The following EARS2 variants were observed in gnomAD, a reference collection of about 807,000 sequenced individuals.
EARS2 encodes the protein glutamyl-tRNA synthetase 2, mitochondrial, also known as nondiscriminating glutamyl-tRNA synthetase EARS2, mitochondrial.
EARS2 carries 50 observed loss-of-function variants against 54.1 expected under a neutral mutation model. The observed-to-expected ratio is 0.92, with a 90% CI of 0.74 to 1.17. The LOEUF is 1.17. EARS2 is among the 50% of genes most tolerant of loss of function. The probability of loss-of-function intolerance (pLI) is 0.00; values close to 1 mark genes in which losing one functional copy is unlikely to be tolerated. For synonymous variants in EARS2, 298 were observed against 281.0 expected, an observed-to-expected ratio of 1.06 and a Z score of -0.61; for missense variants, 673 against 675.0, an observed-to-expected ratio of 1.00 and a Z score of 0.03.
rs765695779 is a variant in EARS2 at position 23,544,615 on chromosome 16, T to C, written c.384A>G (p.Thr128=). The part of the protein sequence containing the change: ...SQRLELYAQA[T]EALLKTGAAY... ...CAGCTCCGGTCTTCAGCAGCGCTTC[T>C]GTGGCCTGGGCATACAGCTCCAACC... The change falls in exon 3 of 9, where the codon ACA becomes ACG. Residue 128 remains threonine (T), a synonymous_variant. Coordinates refer to ENST00000449606, the MANE Select transcript of EARS2 (RefSeq NM_001083614.2). The C allele has an allele frequency of 4.3e-6, 7 of 1,613,406 alleles. No homozygotes were observed. In the Admixed American group the frequency reaches 6.7e-5, roughly 15 times the overall value.
Position 23,534,027 on chromosome 16 carries a change from G to C in EARS2, c.958+861C>G, listed in dbSNP as rs189694145. On this transcript the variant is annotated intron_variant, in intron 4 of 8. Transcript: ENST00000449606. ...GCCGAGATCGCGCCATTGCACTCCA[G>C]AATGGGGGACAAGAAGTTCTGTCTC... Among the ~76,000 whole-genome samples the C allele has an allele frequency of 7.7e-4, 114 of 148,300 alleles. 1 individual carries two copies. Among genetic ancestry groups the C allele is most frequent in the Non-Finnish European group, 8.1e-4 (55 of 67,530 alleles).
intron 3 of EARS2, among the ~76,000 whole-genome samples, chr16:23,542,839 G>A (rs551163952): frequency 6.6e-6 from 1 of 151,868 alleles, no homozygotes; most frequent in Non-Finnish European, 1.5e-5. Context: ...AATGGTCCAG[G>A]TGCAGTGGTT....
chr16:23,524,646 CTTTT>C lies in EARS2; in HGVS notation c.1489-196_1489-193del, dbSNP rs1172358291. On this transcript the variant is annotated intron_variant, in intron 8 of 8. Transcript: ENST00000449606. ...GCCTGTTTCTCCTCCAACCACCGCC[CTTTT>C]TTTTTTTTTTTTTTGAGATAGAGTC... Among the ~76,000 whole-genome samples, 8 of 132,680 alleles carry C rather than the reference CTTTT, an allele frequency of 6.0e-5. No individual in the cohort carries two copies. In the East Asian group the frequency reaches 8.4e-4, roughly 14 times the overall value. 87.0% of individuals were successfully genotyped at this position (132,680 alleles called of 152,430 possible).
chr16:23,534,263 T>C (rs753521665), intron 4 of EARS2, among the ~76,000 whole-genome samples: 31 of 152,168 alleles, frequency 2.0e-4, no homozygotes, highest in Non-Finnish European at 4.1e-4. Context: ...TACCCCTTAA[T>C]AGTATGTTGT....
At chr16:23,557,159 C>G (rs1965809675) in intron 1 of EARS2, 46 bp downstream of exon 1, 3 of 1,500,668 alleles carry the variant, frequency 2.0e-6, no homozygotes, top group Admixed American at 2.3e-5. Flanking sequence ...GGGGCGGAGA[C>G]GGGACAGGGG....
intron 1 of EARS2, among the ~76,000 whole-genome samples, chr16:23,555,949 G>A (rs1965772189): frequency 6.6e-6 from 1 of 152,232 alleles, no homozygotes; most frequent in Admixed American, 6.5e-5. Flanking sequence ...CAAATAAAAT[G>A]AGATTGGTTT....
chr16:23,536,112 C>A (rs537759052), intron 3 of EARS2, among the ~76,000 whole-genome samples: 7 of 152,182 alleles, frequency 4.6e-5, no homozygotes, highest in Non-Finnish European at 7.3e-5. Flanking sequence ...GAAATGCAGA[C>A]TCTTAGGCTC....
chr16:23,526,875 C>T (rs891615979), intron 7 of EARS2, among the ~76,000 whole-genome samples: 3 of 152,106 alleles, frequency 2.0e-5, no homozygotes, highest in Admixed American at 1.3e-4. Context: ...TTGCCTCGGC[C>T]CTGATTGAGT....
rs979703521 is a variant in EARS2, at chr16:23,544,685, C to G, written c.314G>C (p.Ser105Thr). ...CCCAGCAGGACCGCCCCGGCGGGGGCTCTCATCAGGCGGGATGCCTGGAAC... is the reference window on the plus strand; with the variant it reads ...CCCAGCAGGACCGCCCCGGCGGGGGGTCTCATCAGGCGGGATGCCTGGAAC... ...LEWAGIPPDE[S>T]PRRGGPAGPY... The change falls in exon 3 of 9, where the codon AGC becomes ACC. Residue 105 changes from serine (S) to threonine (T), a missense_variant. Physicochemically the swap from Ser to Thr is moderately conservative, Grantham distance 58. Coordinates refer to ENST00000449606, the MANE Select transcript of EARS2 (RefSeq NM_001083614.2). The G allele has an allele frequency of 6.9e-6, 11 of 1,604,752 alleles. No homozygotes were observed. The highest frequency in any genetic ancestry group is 9.3e-6 in the Non-Finnish European group (11 of 1,176,860).
rs942180907 is a variant in EARS2, at chr16:23,520,820, G to A, written c.*3551C>T. The stretch of plus-strand genomic sequence containing the variant: ...TAATTTCTTGTTGAGACAGAGTGTC[G>A]CTCTGTTCCCCAGGCTGGAGTACAA... On this transcript the variant is annotated 3_prime_UTR_variant, in exon 9 of 9. Transcript: ENST00000449606. Among the ~76,000 whole-genome samples, 1 of 152,010 alleles carries A rather than the reference G, an allele frequency of 6.6e-6. No homozygotes were observed. The highest frequency in any genetic ancestry group is 6.6e-5 in the Admixed American group (1 of 15,236).
At chr16:23,531,032 C>CA in intron 5 of EARS2, among the ~76,000 whole-genome samples, 1 of 151,504 alleles carries the variant, frequency 6.6e-6, no homozygotes, top group Non-Finnish European at 1.5e-5. Context: ...GCTGAGACTA[C>CA]AGGCGCCCGC....
intron 2 of EARS2, among the ~76,000 whole-genome samples, chr16:23,548,640 A>C (rs1965645027): frequency 6.6e-6 from 1 of 151,996 alleles, no homozygotes; most frequent in South Asian, 2.1e-4. Context: ...CTGGAGTGTA[A>C]TGGCATGACT....
Position 23,525,342 on chromosome 16 carries a change from T to A in EARS2, c.1390A>T (p.Met464Leu), listed in dbSNP as rs1372129439. Residue 464 changes from methionine to leucine, a missense_variant, in exon 8 of 9, where the codon ATG becomes TTG. Physicochemically the swap from Met to Leu is conservative, Grantham distance 15. Around this residue, in one of 3 missense-constraint regions of EARS2, gnomAD observed 338 missense variants for 361.2 expected, o/e 0.94. Transcript: ENST00000449606. ...AGCTTCTTCAGTTCTCCATTCAGCA[T>A]ATCCTGAGTTAAGCTCATACTAGAT... The part of the protein sequence containing the change: ...ERSSMSLTQD[M>L]LNGELKKLSE... 1 of 1,613,950 alleles carries A rather than the reference T, an allele frequency of 6.2e-7. No individual in the cohort carries two copies. The highest frequency in any genetic ancestry group is 8.5e-7 in the Non-Finnish European group (1 of 1,180,006).
intron 5 of EARS2, among the ~76,000 whole-genome samples, chr16:23,530,272 C>T (rs1965302374): frequency 6.6e-6 from 1 of 152,096 alleles, no homozygotes; most frequent in Non-Finnish European, 1.5e-5. Context: ...CCCACAGACA[C>T]ACATCACCAT....
chr16:23,527,470 C>G (rs1394897707), intron 7 of EARS2, among the ~76,000 whole-genome samples: 1 of 151,950 alleles, frequency 6.6e-6, no homozygotes, highest in Non-Finnish European at 1.5e-5. Flanking sequence ...GAAGAAGCAG[C>G]CTTTCAGTGC....
At position 23,535,020 on chromosome 16, in the gene EARS2, G is replaced by A; in HGVS notation, c.826C>T (p.Leu276=). 1 of 1,612,328 alleles carries A rather than the reference G, an allele frequency of 6.2e-7. No homozygotes were observed. Among genetic ancestry groups the A allele is most frequent in the South Asian group, 1.1e-5 (1 of 90,788 alleles). ...TTGCTGCCATCCCTGTTGAGGAGCAGGGGCAGGTGGGCGAAGTGGGGTGGC... is the reference window on the plus strand; with the variant it reads ...TTGCTGCCATCCCTGTTGAGGAGCAAGGGCAGGTGGGCGAAGTGGGGTGGC... ...WQPPHFAHLP[L]LLNRDGSKLS... is the part of the protein sequence containing the mutation. The change falls in exon 4 of 9, where the codon CTG becomes TTG. Residue 276 remains leucine, a synonymous_variant. Transcript: ENST00000449606.
At chr16:23,531,925 C>T (rs1965333657) in intron 5 of EARS2, among the ~76,000 whole-genome samples, 1 of 152,168 alleles carries the variant, frequency 6.6e-6, no homozygotes, top group Non-Finnish European at 1.5e-5. Flanking sequence ...AAGTGATCCT[C>T]GTGCCTCAGC....
chr16:23,522,050 CT>C lies in EARS2; in HGVS notation c.*2320del, dbSNP rs1242796468. 1 of 325,766 alleles carries C rather than the reference CT, an allele frequency of 3.1e-6. No individual in the cohort carries two copies. Among genetic ancestry groups the C allele is most frequent in the African/African-American group, 2.2e-5 (1 of 46,446 alleles). 20.2% of individuals were successfully genotyped at this position (325,766 alleles called of 1,614,324 possible). ...AAAAAAAATTTACTGAGATGATGGA[CT>C]AAGGCATTTACGAGCATTATCTGAC... On this transcript the variant is annotated 3_prime_UTR_variant, in exon 9 of 9. Coordinates refer to ENST00000449606, the MANE Select transcript of EARS2 (RefSeq NM_001083614.2).
chr16:23,534,721 T>C (rs560084947), intron 4 of EARS2, among the ~76,000 whole-genome samples, 167 bp downstream of exon 4: 2 of 152,306 alleles, frequency 1.3e-5, no homozygotes, highest in South Asian at 4.1e-4. Flanking sequence ...GCACTTAATG[T>C]GGTGTCTGGC....
Sources: gnomAD v4.1 joint callset for allele counts (sites outside exome capture counted in the v4.1 genomes callset) on GRCh38, gnomAD v4.1.1 for gene constraint, gnomAD v4.1.1 regional missense constraint, MANE v1.5 for transcripts, NCBI Gene and HGNC (gene_info 2026-07-23, HGNC 2026-07-21) for gene names.